The following FAM168A variants were observed in gnomAD, a reference collection of about 807,000 sequenced individuals.
FAM168A encodes family with sequence similarity 168 member A.
Under a neutral mutation model 28.5 loss-of-function variants are expected in FAM168A, and 3 were observed. That is an observed-to-expected ratio of 0.11 (90% CI 0.05 to 0.27). The LOEUF is 0.27. Among genes scored for constraint, FAM168A ranks in the 10% least tolerant of loss-of-function variants. The probability of loss-of-function intolerance (pLI) is 1.00; values close to 1 mark genes in which losing one functional copy is unlikely to be tolerated. For missense variants in FAM168A, 222 were observed against 311.5 expected, an observed-to-expected ratio of 0.71 and a Z score of 2.16; for synonymous variants, 122 against 124.2, an observed-to-expected ratio of 0.98 and a Z score of 0.12.
At position 73,483,453 on chromosome 11, in the gene FAM168A, C is replaced by T. The variant is rs77780248; in HGVS notation, c.-18-14961G>A. On this transcript the variant is annotated intron_variant, in intron 1 of 7. Transcript: ENST00000356467. The stretch of plus-strand genomic sequence containing the variant: ...TACTACCACTTAATATAAAGAATTG[C>T]TATGAAGATGCTATGGAGGATAAAA... 4.0e-4 allele frequency among the ~76,000 whole-genome samples: 61 copies of T among 152,220 alleles called. 1 individual carries two copies. Among genetic ancestry groups the T allele is most frequent in the African/African-American group, 1.4e-3 (60 of 41,528 alleles).
chr11:73,445,574 T>A lies in FAM168A; in HGVS notation c.71-14804A>T, dbSNP rs778000828. Among the ~76,000 whole-genome samples the A allele has an allele frequency of 3.3e-5, 5 of 151,738 alleles. No homozygotes were observed. In the East Asian group the frequency reaches 7.7e-4, roughly 23 times the overall value. On this transcript the variant is annotated intron_variant, in intron 2 of 7. Transcript: ENST00000356467. Reference sequence around the variant, plus strand: ...AGCCTCAGGTCCAGCCTTTAAAAACTCTTATTGGGCCCTAAAAATTTAAAG... The same window carrying A: ...AGCCTCAGGTCCAGCCTTTAAAAACACTTATTGGGCCCTAAAAATTTAAAG...
rs547712507 is a variant in FAM168A at position 73,475,340 on chromosome 11, T to C, written c.-18-6848A>G. On this transcript the variant is annotated intron_variant, in intron 1 of 7. Transcript: ENST00000356467. Reference sequence around the variant, plus strand: ...ACCACTTACACAGTGCTTTAGACTTTACAATGAGATTTTAACCATTATCTC... The same window carrying C: ...ACCACTTACACAGTGCTTTAGACTTCACAATGAGATTTTAACCATTATCTC... 5.6e-4 allele frequency among the ~76,000 whole-genome samples: 85 copies of C among 152,150 alleles called. 1 individual carries two copies. Among genetic ancestry groups the C allele is most frequent in the Non-Finnish European group, 1.1e-3 (75 of 68,016 alleles).
chr11:73,585,356 T>C (rs1223169203), intron 1 of FAM168A, among the ~76,000 whole-genome samples: 3 of 152,224 alleles, frequency 2.0e-5, no homozygotes, highest in Non-Finnish European at 2.9e-5. Flanking sequence ...GTACTATTAT[T>C]ACTACACTTC....
At chr11:73,579,350 GA>G (rs1167870168) in intron 1 of FAM168A, among the ~76,000 whole-genome samples, 1 of 152,146 alleles carries the variant, frequency 6.6e-6, no homozygotes, top group East Asian at 1.9e-4. Context: ...AATGGATAGA[GA>G]AAATAAGTTA....
intron 1 of FAM168A, among the ~76,000 whole-genome samples, chr11:73,547,811 G>A (rs1341112403): frequency 6.6e-6 from 1 of 151,278 alleles, no homozygotes; most frequent in Non-Finnish European, 1.5e-5. Context: ...ACAGCCAAGA[G>A]GTGAAAGTAA....
At position 73,425,833 on chromosome 11, in the gene FAM168A, G is replaced by A. The variant is rs184126383; in HGVS notation, c.151+4857C>T. Among the ~76,000 whole-genome samples the A allele has an allele frequency of 3.6e-3, 548 of 152,300 alleles. 2 individuals are homozygous for A. Among genetic ancestry groups the A allele is most frequent in the African/African-American group, 0.012 (516 of 41,566 alleles). On this transcript the variant is annotated intron_variant, in intron 3 of 7. Coordinates refer to ENST00000356467, the MANE Select transcript of FAM168A (RefSeq NM_015159.3). ...ACCTTTGGCCTCAAGGGATCCCCCC[G>A]CCTTGCCCTCCCAAATCTACTGGTT...
chr11:73,584,619 G>A (rs563386480), intron 1 of FAM168A, among the ~76,000 whole-genome samples: 37 of 151,970 alleles, frequency 2.4e-4, no homozygotes, highest in Non-Finnish European at 4.0e-4. Flanking sequence ...GACTACAGGC[G>A]CCCGCCACCA....
At chr11:73,591,657 A>C (rs181984380) in intron 1 of FAM168A, among the ~76,000 whole-genome samples, 193 of 152,262 alleles carry the variant, frequency 1.3e-3, no homozygotes, top group African/African-American at 4.6e-3. Context: ...ACAGAGGTGC[A>C]CGCCACCACA....
At chr11:73,596,273 T>G (rs1944438260) in intron 1 of FAM168A, among the ~76,000 whole-genome samples, 1 of 152,188 alleles carries the variant, frequency 6.6e-6, no homozygotes. Context: ...CTGGCTAGTT[T>G]TTAAATACAC....
At chr11:73,465,409 C>T (rs536218724) in intron 2 of FAM168A, among the ~76,000 whole-genome samples, 27 of 152,124 alleles carry the variant, frequency 1.8e-4, no homozygotes, top group Admixed American at 1.4e-3. Context: ...ATAAACAGCC[C>T]ACTGTCATGG....
chr11:73,494,160 A>G (rs940582932), intron 1 of FAM168A, among the ~76,000 whole-genome samples: 1 of 152,172 alleles, frequency 6.6e-6, no homozygotes, highest in East Asian at 1.9e-4. Flanking sequence ...ATGTATGATT[A>G]ACAGAATTGA....
At chr11:73,497,106 T>C (rs1191666202) in intron 1 of FAM168A, among the ~76,000 whole-genome samples, 1 of 152,180 alleles carries the variant, frequency 6.6e-6, no homozygotes, top group East Asian at 1.9e-4. Context: ...CTTTTTATCT[T>C]TCATTCTCAC....
intron 2 of FAM168A, 143 bp from the exon 3 acceptor site, chr11:73,430,913 G>C (rs2134511292): frequency 1.7e-6 from 1 of 585,318 alleles, no homozygotes; most frequent in East Asian, 3.2e-5. Flanking sequence ...GGCTATTCCA[G>C]ATAGTATATG....
Position 73,558,602 on chromosome 11 carries a change from C to T in FAM168A, c.-19+39321G>A, listed in dbSNP as rs572816. 2.1e-3 allele frequency among the ~76,000 whole-genome samples: 244 copies of T among 115,686 alleles called. 1 individual carries two copies. Among genetic ancestry groups the T allele is most frequent in the Middle Eastern group, 8.8e-3 (2 of 226 alleles). The allele number at this position is 115,686 out of a possible 152,430, so 75.9% of individuals were successfully genotyped here. A position where few individuals can be genotyped will look rare whatever the true frequency, so the allele number is the denominator to read the frequency against. On this transcript the variant is annotated intron_variant, in intron 1 of 7. Coordinates refer to ENST00000356467, the MANE Select transcript of FAM168A (RefSeq NM_015159.3). ...CTTTTATAATTCAACAACAAAAAGG[C>T]AAAAAAAAAAAAAATTTTAATGGGC...
rs1053353297 is a variant in FAM168A, at chr11:73,577,417, T to C, written c.-19+20506A>G. On this transcript the variant is annotated intron_variant, in intron 1 of 7. Transcript: ENST00000356467. Reference sequence around the variant, plus strand: ...CAAATTATTTATCTGTTGTTATTTATTTTTGCCACTTTATTCTATTAGCAG... The same window carrying C: ...CAAATTATTTATCTGTTGTTATTTACTTTTGCCACTTTATTCTATTAGCAG... 5.3e-5 allele frequency among the ~76,000 whole-genome samples: 8 copies of C among 152,358 alleles called. No homozygotes were observed. In the South Asian group the frequency reaches 1.7e-3, roughly 32 times the overall value.
rs199697576 is a variant in FAM168A at position 73,430,733 on chromosome 11, G to A, written c.108C>T (p.Tyr36=). The A allele has an allele frequency of 1.9e-6, 3 of 1,613,554 alleles. No individual in the cohort carries two copies. The highest frequency in any genetic ancestry group is 2.5e-6 in the Non-Finnish European group (3 of 1,179,640). Residue 36 remains tyrosine, a synonymous_variant, in exon 3 of 8, where the codon TAC becomes TAT. Coordinates refer to ENST00000356467, the MANE Select transcript of FAM168A (RefSeq NM_015159.3). ...TATTGGTGGGGTACAGGCTGGGATT[G>A]TAGGCAGGGGCAGCTGCTGGATAGG... The part of the protein sequence containing the change: ...PTAYPAAAPA[Y]NPSLYPTNSP...
rs755814598 is a variant in FAM168A at position 73,406,326 on chromosome 11, T to C, written c.*437A>G. 7.9e-5 allele frequency: 12 copies of C among 152,220 alleles called. No homozygotes were observed. Among genetic ancestry groups the C allele is most frequent in the Non-Finnish European group, 1.5e-4 (10 of 68,054 alleles). The allele number at this position is 152,220 out of a possible 1,614,324, so 9.4% of individuals were successfully genotyped here. ...CAACCAGAACACTCCCCTAGAGATG[T>C]AGCCTGCTCAACAGCTCTGAGTTCC... On this transcript the variant is annotated 3_prime_UTR_variant, in exon 8 of 8. Coordinates refer to ENST00000356467, the MANE Select transcript of FAM168A (RefSeq NM_015159.3).
intron 1 of FAM168A, among the ~76,000 whole-genome samples, chr11:73,572,304 G>A (rs568550497): frequency 2.6e-5 from 4 of 150,982 alleles, no homozygotes; most frequent in Admixed American, 1.3e-4. Flanking sequence ...GGTGAGGGGC[G>A]CCTCTGCCTG....
chr11:73,571,380 C>T (rs912739511), intron 1 of FAM168A, among the ~76,000 whole-genome samples: 8 of 151,832 alleles, frequency 5.3e-5, no homozygotes, highest in African/African-American at 1.7e-4. Context: ...CGAGTGCCTG[C>T]GATTGCAGGC....
Sources: allele counts gnomAD v4.1 joint callset (sites outside exome capture counted in the v4.1 genomes callset), GRCh38; gene constraint gnomAD v4.1.1; transcripts MANE v1.5; gene names NCBI Gene and HGNC (gene_info 2026-07-23, HGNC 2026-07-21).